NDRG4: variants seen among roughly 807,000 people sequenced by gnomAD.
The protein encoded by NDRG4 is NDRG family member 4.
NDRG4 carries 38 observed loss-of-function variants against 55.8 expected under a neutral mutation model. That is an observed-to-expected ratio of 0.68 (90% CI 0.53 to 0.89). The LOEUF (loss-of-function observed/expected upper bound fraction) is 0.89. NDRG4 is among the 40% of genes least tolerant of loss of function. NDRG4 has a pLI of 0.00. For missense variants in NDRG4, 455 were observed against 468.6 expected, an observed-to-expected ratio of 0.97 and a Z score of 0.27; for synonymous variants, 190 against 182.7, an observed-to-expected ratio of 1.04 and a Z score of -0.32.
intron 5 of NDRG4, among the ~76,000 whole-genome samples, chr16:58,505,222 G>A (rs1313106072): frequency 2.6e-5 from 4 of 151,492 alleles, no homozygotes; most frequent in African/African-American, 4.8e-5. Flanking sequence ...AGTGGCGGGC[G>A]CCTGTAGTCC....
intron 5 of NDRG4, among the ~76,000 whole-genome samples, chr16:58,505,319 A>AG (rs751573809): frequency 1.3e-5 from 2 of 151,906 alleles, no homozygotes; most frequent in Non-Finnish European, 2.9e-5. Context: ...ACTGCACTCC[A>AG]GCCTGGGCAA....
intron 10 of NDRG4, 37 bp from the exon 11 acceptor site, chr16:58,508,925 G>T (rs745859414): frequency 1.2e-6 from 2 of 1,608,644 alleles, no homozygotes; most frequent in Non-Finnish European, 1.7e-6. Flanking sequence ...GTGGGGAGGG[G>T]CAGGGGCTGT....
In NDRG4 at chr16:58,464,683, G is replaced by T; in HGVS notation, c.-24+886G>T. ...CCCTGGCGCTGGCGTCCGGGCTGCG[G>T]GAGCACCGGTCAGGGGGTGGCCCCA... is the stretch of plus-strand genomic sequence containing the variant. On this transcript the variant is annotated intron_variant, in intron 1 of 15. Transcript: ENST00000258187. This position sits in a 1 kb window ranked among gnomAD's most constrained non-coding sequence, Gnocchi z 4.8. 1 of 1,127,664 alleles carries T rather than the reference G, an allele frequency of 8.9e-7. No homozygotes were observed. The highest frequency in any genetic ancestry group is 1.1e-6 in the Non-Finnish European group (1 of 879,576). The allele number at this position is 1,127,664 out of a possible 1,614,324, so 69.9% of individuals were successfully genotyped here. A position where few individuals can be genotyped will look rare whatever the true frequency, so the allele number is the denominator to read the frequency against.
At position 58,511,841 on chromosome 16, in the gene NDRG4, G is replaced by C. The variant is rs889736722; in HGVS notation, c.*265G>C. ...CACTCCCGGCGGCCCAGGCACAGAA[G>C]GGCAGGGCCATAGGGAGGGAGATTC... On this transcript the variant is annotated 3_prime_UTR_variant, in exon 15 of 15. Coordinates refer to ENST00000570248, the MANE Select transcript of NDRG4 (RefSeq NM_001242835.2). 2.1e-5 allele frequency: 11 copies of C among 525,042 alleles called. No homozygotes were observed. The highest frequency in any genetic ancestry group is 3.6e-5 in the Non-Finnish European group (10 of 281,150). The allele number at this position is 525,042 out of a possible 1,614,324, so 32.5% of individuals were successfully genotyped here. A position where few individuals can be genotyped will look rare whatever the true frequency, so the allele number is the denominator to read the frequency against.
chr16:58,507,067 T>G, intron 8 of NDRG4, 52 bp downstream of exon 8: 1 of 1,392,196 alleles, frequency 7.2e-7, no homozygotes, highest in Non-Finnish European at 1.0e-6. Context: ...GTGGGGGCCC[T>G]TGCACACTGC....
At chr16:58,503,681 G>A in intron 1 of NDRG4, 117 bp from the exon 2 acceptor site, 1 of 1,547,584 alleles carries the variant, frequency 6.5e-7, no homozygotes, top group Non-Finnish European at 8.7e-7. Context: ...AGAACAGGAT[G>A]CCCCAAGTAG....
intron 1 of NDRG4, among the ~76,000 whole-genome samples, chr16:58,481,063 C>T (rs985308662): frequency 1.3e-5 from 2 of 151,654 alleles, no homozygotes; most frequent in Admixed American, 1.3e-4. Flanking sequence ...GAGCTCCAGA[C>T]CTGGACATCA....
chr16:58,478,889 TC>T (rs2034068741), intron 1 of NDRG4, among the ~76,000 whole-genome samples: 1 of 152,068 alleles, frequency 6.6e-6, no homozygotes, highest in African/African-American at 2.4e-5. Flanking sequence ...AAAAAGAATC[TC>T]CCTTTTATAC....
chr16:58,501,622 G>C (rs546446833), intron 1 of NDRG4: 1 of 199,992 alleles, frequency 5.0e-6, no homozygotes, highest in East Asian at 1.3e-4. Flanking sequence ...GGTGAGAGAA[G>C]GCGTTAGGGA....
At chr16:58,500,516 G>T (rs1216154201) in intron 1 of NDRG4, 13 of 515,308 alleles carry the variant, frequency 2.5e-5, no homozygotes, top group Non-Finnish European at 4.4e-5. Context: ...GCGTGTGGTT[G>T]GGGGGTGGGT....
chr16:58,482,487 G>A (rs2034521069), intron 1 of NDRG4, among the ~76,000 whole-genome samples: 3 of 152,084 alleles, frequency 2.0e-5, no homozygotes, highest in South Asian at 2.1e-4. Flanking sequence ...AGTGGGGAGT[G>A]ATCCTTCATG....
Position 58,506,310 on chromosome 16 carries a change from T to G in NDRG4, c.373-77T>G, listed in dbSNP as rs747887320. The G allele has an allele frequency of 2.8e-6, 4 of 1,430,054 alleles. 1 individual carries two copies. The South Asian group carries it at 4.6e-5, about 16-fold the overall frequency. The allele number at this position is 1,430,054 out of a possible 1,614,324, so 88.6% of individuals were successfully genotyped here. A position where few individuals can be genotyped will look rare whatever the true frequency, so the allele number is the denominator to read the frequency against. On this transcript the variant is annotated intron_variant, in intron 5 of 14. Coordinates refer to ENST00000570248, the MANE Select transcript of NDRG4 (RefSeq NM_001242835.2). ...AGCCGGGTGGCTGATCAGCAGCACC[T>G]TGAAGACTTTACAGAGTGTTTCTGC...
intron 1 of NDRG4, among the ~76,000 whole-genome samples, chr16:58,502,645 C>A (rs1260736084): frequency 6.6e-6 from 1 of 152,186 alleles, no homozygotes; most frequent in Non-Finnish European, 1.5e-5. Context: ...AGTGTCCTCA[C>A]CTGCAAAACA....
chr16:58,477,770 T>G (rs1597099335), intron 1 of NDRG4, among the ~76,000 whole-genome samples: 1 of 109,492 alleles, frequency 9.1e-6, no homozygotes, highest in African/African-American at 3.6e-5. Context: ...TTAGCAGGGG[T>G]AAGGGGGGTG....
chr16:58,501,107 G>A (rs2037029488), intron 1 of NDRG4: 1 of 1,220,940 alleles, frequency 8.2e-7, no homozygotes, highest in Non-Finnish European at 1.0e-6. Context: ...CCTCAGGAGG[G>A]AGAGGCAGGG....
At chr16:58,488,989 G>A (rs1011531216) in intron 2 of NDRG4, among the ~76,000 whole-genome samples, 2 of 151,960 alleles carry the variant, frequency 1.3e-5, no homozygotes, top group South Asian at 2.1e-4. Flanking sequence ...TTCTGCCTTC[G>A]CTCTGTACCC....
chr16:58,513,682 GC>G (rs1472424632), downstream of NDRG4: 1 of 151,844 alleles, frequency 6.6e-6, no homozygotes, highest in Admixed American at 6.6e-5. Context: ...CCTCAGCCAG[GC>G]ACGGTGGCTC....
chr16:58,486,673 T>C (rs1202156115), intron 1 of NDRG4, among the ~76,000 whole-genome samples: 1 of 151,014 alleles, frequency 6.6e-6, no homozygotes, highest in Admixed American at 6.6e-5. Flanking sequence ...TGGGACCCTC[T>C]GTCTTCCTTC....
At chr16:58,510,824 C>T (rs961695539) in intron 14 of NDRG4, 141 bp downstream of exon 14, 3 of 780,068 alleles carry the variant, frequency 3.8e-6, no homozygotes, top group African/African-American at 1.7e-5. Context: ...TCAGAAACCC[C>T]ACAGATTCTT....
Sources: allele counts gnomAD v4.1 joint callset (sites outside exome capture counted in the v4.1 genomes callset), GRCh38; gene constraint gnomAD v4.1.1; non-coding constraint Gnocchi (gnomAD v3.1); transcripts MANE v1.5; gene names NCBI Gene and HGNC (gene_info 2026-07-23, HGNC 2026-07-21).